Variants in BCLAF1 observed in about 807,000 individuals in gnomAD.
BCLAF1 encodes the protein BCL2 associated transcription factor 1.
In BCLAF1, 10 loss-of-function variants were observed where a neutral mutation model predicts 99.5. That is an observed-to-expected ratio of 0.10 (90% CI 0.06 to 0.17). BCLAF1 has a LOEUF of 0.17. Among genes scored for constraint, BCLAF1 ranks in the 10% least tolerant of loss-of-function variants. The pLI is 1.00. For synonymous variants in BCLAF1, 255 were observed against 370.9 expected, an observed-to-expected ratio of 0.69 and a Z score of 3.59; for missense variants, 636 against 1,105.8, an observed-to-expected ratio of 0.58 and a Z score of 6.02.
At chr6:136,280,776 T>C (rs559300959) in intron 2 of BCLAF1, among the ~76,000 whole-genome samples, 2 of 152,230 alleles carry the variant, frequency 1.3e-5, no homozygotes, top group East Asian at 3.9e-4. Context: ...TGCATGCATA[T>C]CCCAAATGTC....
intron 9 of BCLAF1, 74 bp downstream of exon 9, chr6:136,269,363 G>A: frequency 6.3e-7 from 1 of 1,577,840 alleles, no homozygotes; most frequent in Non-Finnish European, 8.6e-7. Context: ...AGTCAAAATT[G>A]AAAGCAATTA....
chr6:136,263,355 T>C (rs987670294), intron 11 of BCLAF1, among the ~76,000 whole-genome samples: 7 of 152,128 alleles, frequency 4.6e-5, no homozygotes, highest in African/African-American at 1.7e-4. Context: ...AAACTAGCCA[T>C]TGCTTTTAAT....
intron 8 of BCLAF1, 136 bp from the exon 9 acceptor site, chr6:136,269,748 T>C (rs971151715): frequency 3.5e-6 from 2 of 563,618 alleles, no homozygotes; most frequent in South Asian, 9.9e-5. Context: ...TCATATAAGA[T>C]ACTATCACTT....
chr6:136,286,646 G>C (rs1020650734), intron 1 of BCLAF1, among the ~76,000 whole-genome samples: 2 of 152,180 alleles, frequency 1.3e-5, no homozygotes, highest in East Asian at 1.9e-4. Flanking sequence ...GCATTAATCA[G>C]CATCATTTAG....
rs566866591 is a variant in BCLAF1 at position 136,282,242 on chromosome 6, A to C, written c.-11+342T>G. On this transcript the variant is annotated intron_variant, in intron 2 of 12. Transcript: ENST00000531224. ...CATTAGCAATCAATTTGAATTACCT[A>C]AACACTACAGTAGAGAGAAACAAGT... is the stretch of plus-strand genomic sequence containing the variant. Among the ~76,000 whole-genome samples the C allele has an allele frequency of 2.3e-3, 353 of 152,266 alleles. 1 individual carries two copies. The highest frequency in any genetic ancestry group is 8.0e-3 in the African/African-American group (334 of 41,540).
At position 136,276,387 on chromosome 6, in the gene BCLAF1, C is replaced by T. The variant is rs201324859; in HGVS notation, c.1138G>A (p.Ala380Thr). ...TCTTTATCACTGAAGTAATCTAGAG[C>T]TTCCTGATCTTCCCATTCTCCCTCT... is the stretch of plus-strand genomic sequence containing the variant. ...RAEGEWEDQE[A>T]LDYFSDKESG... is the part of the protein sequence containing the mutation. The change falls in exon 5 of 13, where the codon GCT becomes ACT. Residue 380 changes from alanine (A) to threonine (T), a missense_variant. Around this residue, in one of 9 missense-constraint regions of BCLAF1, gnomAD observed 186 missense variants for 275.3 expected, o/e 0.68. Transcript: ENST00000531224. 14 of 1,579,438 alleles carry T rather than the reference C, an allele frequency of 8.9e-6. No individual in the cohort carries two copies. The highest frequency in any genetic ancestry group is 1.8e-5 in the Admixed American group (1 of 54,214).
At position 136,267,193 on chromosome 6, in the gene BCLAF1, A is replaced by G. The variant is rs369630817; in HGVS notation, c.2398-18T>C. 2.7e-5 allele frequency: 44 copies of G among 1,610,096 alleles called. No homozygotes were observed. The highest frequency in any genetic ancestry group is 3.4e-5 in the Non-Finnish European group (40 of 1,177,564). ...ATTCGAAACTGATTAACATTAACAA[A>G]GTTGTTTAGTGATGCAATCAAAAGG... On this transcript the variant is annotated intron_variant, in intron 10 of 12. Transcript: ENST00000531224.
At position 136,269,627 on chromosome 6, in the gene BCLAF1, T is replaced by C. The variant is rs996016457; in HGVS notation, c.2044-15A>G. On this transcript the variant is annotated splice_polypyrimidine_tract_variant and intron_variant, in intron 8 of 12. Coordinates refer to ENST00000531224, the MANE Select transcript of BCLAF1 (RefSeq NM_014739.3). ...TTTTTATCTCCCTATAAAAGACAGA[T>C]ATAAAATACAGATTTCAGGGGAGAA... 1.3e-6 allele frequency: 2 copies of C among 1,560,006 alleles called. No individual in the cohort carries two copies. Among genetic ancestry groups the C allele is most frequent in the Admixed American group, 2.2e-5 (1 of 46,058 alleles).
At chr6:136,261,515 T>C (rs1220840445) in intron 11 of BCLAF1, 38 bp from the exon 12 acceptor site, 1 of 1,575,434 alleles carries the variant, frequency 6.3e-7, no homozygotes, top group Admixed American at 1.7e-5. Context: ...ATGAAATGTT[T>C]CTTGTAAAGA....
intron 11 of BCLAF1, among the ~76,000 whole-genome samples, chr6:136,261,706 TACCCA>T (rs1289498101): frequency 1.3e-5 from 2 of 152,190 alleles, no homozygotes; most frequent in African/African-American, 4.8e-5. Context: ...CACTGAAGGT[TACCCA>T]GACAATCATT....
intron 1 of BCLAF1, among the ~76,000 whole-genome samples, chr6:136,285,838 G>T (rs1584111773): frequency 6.6e-6 from 1 of 152,186 alleles, no homozygotes; most frequent in African/African-American, 2.4e-5. Context: ...GGTGGCTCAC[G>T]CCTGTAATCC....
chr6:136,278,333 G>A lies in BCLAF1; in HGVS notation c.548C>T (p.Ser183Leu), dbSNP rs1370644332. 1.2e-6 allele frequency: 2 copies of A among 1,614,140 alleles called. No individual in the cohort carries two copies. The highest frequency in any genetic ancestry group is 2.2e-5 in the East Asian group (1 of 44,890). ...PQEESPLKSK[S>L]QEEPKDTFEH... ...AAATGTATCTTTCGGTTCCTCCTGT[G>A]ATTTACTTTTCAACGGACTCTCTTC... Residue 183 changes from serine to leucine, a missense_variant, in exon 4 of 13, where the codon TCA becomes TTA. Physicochemically the swap from Ser to Leu is moderately radical, Grantham distance 145. Transcript: ENST00000531224.
rs562802856 is a variant in BCLAF1 at position 136,275,897 on chromosome 6, T to C, written c.1628A>G (p.His543Arg). ...CATTTTGAGTTTGACTTCAGGACGGTGAGAATCACTCGCTATCATTTTGAT... is the reference window on the plus strand; with the variant it reads ...CATTTTGAGTTTGACTTCAGGACGGCGAGAATCACTCGCTATCATTTTGAT... ...LRIKMIASDSHRPEVKLKMAP... is the reference protein window; with the variant it reads ...LRIKMIASDSRRPEVKLKMAP... The change falls in exon 5 of 13, where the codon CAC becomes CGC. Residue 543 changes from histidine to arginine, a missense_variant. Transcript: ENST00000531224. The C allele has an allele frequency of 1.2e-6, 2 of 1,612,552 alleles. No homozygotes were observed. The highest frequency in any genetic ancestry group is 2.2e-5 in the South Asian group (2 of 90,802).
At chr6:136,288,900 T>C (rs554665822) in intron 1 of BCLAF1, among the ~76,000 whole-genome samples, 21 of 152,304 alleles carry the variant, frequency 1.4e-4, no homozygotes, top group African/African-American at 4.6e-4. Flanking sequence ...CTAGTACTCA[T>C]GAAGAACCGC....
chr6:136,265,251 G>A (rs1781557911), intron 11 of BCLAF1, among the ~76,000 whole-genome samples: 1 of 149,218 alleles, frequency 6.7e-6, no homozygotes, highest in African/African-American at 2.6e-5. Context: ...TAAAATTAGA[G>A]CACTTAGATT....
intron 6 of BCLAF1, among the ~76,000 whole-genome samples, chr6:136,274,916 C>T (rs1783044898): frequency 6.6e-6 from 1 of 151,744 alleles, no homozygotes; most frequent in Admixed American, 6.6e-5. Context: ...GAAGTGTCAT[C>T]ATTATCCTAA....
Position 136,273,115 on chromosome 6 carries a change from T to C in BCLAF1, c.1925A>G (p.His642Arg), listed in dbSNP as rs1584046821. Residue 642 changes from histidine to arginine, a missense_variant, in exon 7 of 13, where the codon CAT becomes CGT. Physicochemically the swap from His to Arg is conservative, Grantham distance 29. This residue lies in a region of BCLAF1 where 180 missense variants were observed against 270.0 expected (regional missense o/e 0.67). Coordinates refer to ENST00000531224, the MANE Select transcript of BCLAF1 (RefSeq NM_014739.3). ...FTSYQKATEE[H>R]STRQKSPEIH... Reference sequence around the variant, plus strand: ...TTCAGGGCTCTTTTGCCGAGTACTATGTTCTTCAGTGGCTTTCTGATACGA... The same window carrying C: ...TTCAGGGCTCTTTTGCCGAGTACTACGTTCTTCAGTGGCTTTCTGATACGA... 2 of 1,612,190 alleles carry C rather than the reference T, an allele frequency of 1.2e-6. No individual in the cohort carries two copies. The highest frequency in any genetic ancestry group is 2.2e-5 in the East Asian group (1 of 44,834).
chr6:136,274,018 T>TACA, intron 6 of BCLAF1: 4 of 1,278,178 alleles, frequency 3.1e-6, no homozygotes, highest in Non-Finnish European at 4.1e-6. Flanking sequence ...AAACGGCCAC[T>TACA]ACAAGGGTAG....
intron 11 of BCLAF1, among the ~76,000 whole-genome samples, chr6:136,266,586 A>G (rs1781746065): frequency 1.3e-5 from 2 of 152,058 alleles, no homozygotes; most frequent in African/African-American, 2.4e-5. Flanking sequence ...TTTTTCTCCA[A>G]TGAAAGTTGA....
Sources: allele counts gnomAD v4.1 joint callset (sites outside exome capture counted in the v4.1 genomes callset), GRCh38; gene constraint gnomAD v4.1.1; regional missense constraint gnomAD v4.1.1; transcripts MANE v1.5; gene names NCBI Gene and HGNC (gene_info 2026-07-23, HGNC 2026-07-21).